The following FBP2 variants were observed in gnomAD, a reference collection of about 807,000 sequenced individuals.
The protein encoded by FBP2 is fructose-bisphosphatase 2, also known as fructose-1,6-bisphosphatase isozyme 2.
Under a neutral mutation model 31.6 loss-of-function variants are expected in FBP2, and 27 were observed. That is an observed-to-expected ratio of 0.85 (90% confidence interval 0.63 to 1.18). The LOEUF (loss-of-function observed/expected upper bound fraction) is 1.18. Ranked by LOEUF, FBP2 falls within the 50% of genes most tolerant of loss-of-function variation. The pLI is 0.00. For synonymous variants in FBP2, 168 were observed against 179.8 expected (o/e 0.93, Z 0.53); for missense variants, 421 against 436.1 (o/e 0.97, Z 0.31).
At chr9:94,584,753 G>A (rs983145631) in intron 2 of FBP2, 84 bp from the exon 3 acceptor site, 2 of 794,516 alleles carry the variant, frequency 2.5e-6, no homozygotes, top group African/African-American at 1.7e-5. Flanking sequence ...GCGTGGCAGA[G>A]TACACCACAT....
At position 94,558,884 on chromosome 9, in the gene FBP2, G is replaced by A; in HGVS notation, c.*54C>T. ...CCATCTCTGTTTATCGTTCATTTAG[G>A]GTCCTTAGACAAGGTGCAAGACAAA... On this transcript the variant is annotated 3_prime_UTR_variant, in exon 7 of 7. Transcript: ENST00000375337. 3 of 1,514,234 alleles carry A rather than the reference G, an allele frequency of 2.0e-6. No homozygotes were observed. The highest frequency in any genetic ancestry group is 2.3e-5 in the South Asian group (2 of 88,578). The allele number at this position is 1,514,234 out of a possible 1,614,324, so 93.8% of individuals were successfully genotyped here.
chr9:94,578,612 A>G (rs1827341089), intron 3 of FBP2, among the ~76,000 whole-genome samples: 2 of 152,132 alleles, frequency 1.3e-5, no homozygotes, highest in Non-Finnish European at 2.9e-5. Flanking sequence ...TGGTTCTAAA[A>G]TTGTGAAATG....
chr9:94,585,899 C>A (rs1292635655), intron 2 of FBP2, among the ~76,000 whole-genome samples: 1 of 152,024 alleles, frequency 6.6e-6, no homozygotes, highest in Non-Finnish European at 1.5e-5. Context: ...GTGCACACCA[C>A]CATGCCGAGC....
chr9:94,572,199 T>C (rs920704664), intron 3 of FBP2, among the ~76,000 whole-genome samples: 3 of 152,140 alleles, frequency 2.0e-5, no homozygotes, highest in Non-Finnish European at 4.4e-5. Flanking sequence ...ATGTTGGTGC[T>C]CCTTCTGGTC....
chr9:94,572,818 TTG>T (rs1827283136), intron 3 of FBP2, among the ~76,000 whole-genome samples: 1 of 152,256 alleles, frequency 6.6e-6, no homozygotes, highest in Admixed American at 6.5e-5. Flanking sequence ...GTTCCATTTT[TTG>T]TGTGATTGTA....
chr9:94,566,590 T>C (rs1351490647), intron 5 of FBP2, among the ~76,000 whole-genome samples: 2 of 152,362 alleles, frequency 1.3e-5, no homozygotes, highest in East Asian at 3.9e-4. Context: ...CTCTGAAGGC[T>C]GTGATTTCCC....
chr9:94,567,493 GA>G, intron 4 of FBP2, 86 bp from the exon 5 acceptor site: 7 of 1,508,900 alleles, frequency 4.6e-6, no homozygotes, highest in Non-Finnish European at 6.3e-6. Flanking sequence ...AGCAGGAGAA[GA>G]TGGGGGCCTG....
chr9:94,584,152 C>A (rs1486393425), intron 3 of FBP2, among the ~76,000 whole-genome samples: 1 of 152,146 alleles, frequency 6.6e-6, no homozygotes, highest in Admixed American at 6.5e-5. Flanking sequence ...ATAGGGAGAT[C>A]ACCGTGGACC....
At chr9:94,569,974 T>C (rs1642479142) in intron 4 of FBP2, 1 of 152,270 alleles carries the variant, frequency 6.6e-6, no homozygotes, top group South Asian at 2.1e-4. Context: ...AAACAGGCAC[T>C]AAGCTTTGTG....
intron 3 of FBP2, among the ~76,000 whole-genome samples, chr9:94,575,626 A>G (rs758372838): frequency 6.6e-6 from 1 of 152,216 alleles, no homozygotes; most frequent in Non-Finnish European, 1.5e-5. Context: ...TGTGGGTCCC[A>G]GGAGTGAAAT....
At chr9:94,564,660 G>C (rs1483179938) in intron 5 of FBP2, among the ~76,000 whole-genome samples, 1 of 152,152 alleles carries the variant, frequency 6.6e-6, no homozygotes, top group East Asian at 1.9e-4. Context: ...GGGCCTACGT[G>C]AGGGTGGAGG....
intron 3 of FBP2, among the ~76,000 whole-genome samples, chr9:94,574,005 AT>A (rs1246658096): frequency 6.6e-6 from 1 of 152,172 alleles, no homozygotes; most frequent in East Asian, 1.9e-4. Context: ...CAAAGTATCT[AT>A]TTTATATTGG....
At chr9:94,573,531 A>T (rs1827289592) in intron 3 of FBP2, among the ~76,000 whole-genome samples, 1 of 152,184 alleles carries the variant, frequency 6.6e-6, no homozygotes, top group South Asian at 2.1e-4. Flanking sequence ...TTTTTTAAAT[A>T]ATGAATGAGT....
chr9:94,585,632 TG>T, intron 2 of FBP2, among the ~76,000 whole-genome samples: 1 of 152,288 alleles, frequency 6.6e-6, no homozygotes, highest in Admixed American at 6.5e-5. Context: ...TTCTTGTTTT[TG>T]TTTTGTTTTG....
chr9:94,565,396 A>G (rs1366520604), intron 5 of FBP2, among the ~76,000 whole-genome samples: 2 of 139,940 alleles, frequency 1.4e-5, no homozygotes. Flanking sequence ...AGATGTTCCC[A>G]GTGGGGTTTT....
At chr9:94,589,821 G>A (rs1322931374) in intron 1 of FBP2, among the ~76,000 whole-genome samples, 1 of 148,876 alleles carries the variant, frequency 6.7e-6, no homozygotes, top group Admixed American at 6.9e-5. Flanking sequence ...AACACTCCTA[G>A]CAGCCTCACC....
chr9:94,568,398 AGTT>A (rs1827224845), intron 4 of FBP2: 1 of 152,194 alleles, frequency 6.6e-6, no homozygotes, highest in Non-Finnish European at 1.5e-5. Flanking sequence ...CCCTATGTCT[AGTT>A]CTGGTGATAT....
rs1827524516 is a variant in FBP2 at position 94,593,572 on chromosome 9, GCCT to G, written c.152_154del (p.Lys51_Ala52delinsThr). 1 of 1,613,592 alleles carries G rather than the reference GCCT, an allele frequency of 6.2e-7. No individual in the cohort carries two copies. The highest frequency in any genetic ancestry group is 1.3e-5 in the African/African-American group (1 of 74,920). ...CAGGACTCACAGGTGGGCCAGACCG[GCCT>G]TGCGCACAGCCGAGGAGATGGCTTT... On this transcript the variant is annotated inframe_deletion, in exon 1 of 7. Coordinates refer to ENST00000375337, the MANE Select transcript of FBP2 (RefSeq NM_003837.4).
intron 1 of FBP2, among the ~76,000 whole-genome samples, chr9:94,591,941 T>C (rs1320523537): frequency 6.6e-6 from 1 of 151,506 alleles, no homozygotes; most frequent in Non-Finnish European, 1.5e-5. Flanking sequence ...AAAGTCAGAG[T>C]TTTGCAGCAG....
Sources: gnomAD v4.1 joint callset for allele counts (sites outside exome capture counted in the v4.1 genomes callset) on GRCh38, gnomAD v4.1.1 for gene constraint, MANE v1.5 for transcripts, NCBI Gene and HGNC (gene_info 2026-07-23, HGNC 2026-07-21) for gene names.